The following EBF2 variants were observed in gnomAD, a reference collection of about 807,000 sequenced individuals.
EBF2 encodes EBF transcription factor 2, also known as transcription factor COE2.
A neutral mutation model predicts 72.8 loss-of-function variants in EBF2; 21 were observed. The observed-to-expected ratio is 0.29, with a 90% CI of 0.20 to 0.42. The LOEUF (loss-of-function observed/expected upper bound fraction) is 0.42, where lower values mean the gene tolerates loss of function less well. EBF2 is among the 10% of genes least tolerant of loss of function. The pLI is 1.00. For synonymous variants in EBF2, 299 were observed against 274.2 expected (o/e 1.09, Z -0.89); for missense variants, 637 against 731.2 (o/e 0.87, Z 1.49).
At chr8:25,953,979 C>T (rs937051988) in intron 6 of EBF2, among the ~76,000 whole-genome samples, 1 of 151,898 alleles carries the variant, frequency 6.6e-6, no homozygotes, top group Non-Finnish European at 1.5e-5. Flanking sequence ...TTGGGCTTTC[C>T]TTTTTTTTAT....
intron 6 of EBF2, among the ~76,000 whole-genome samples, chr8:25,916,861 C>T (rs2117129920): frequency 6.6e-6 from 1 of 152,278 alleles, no homozygotes; most frequent in South Asian, 2.1e-4. Context: ...CTGGAAGTGG[C>T]ATTTCAGTTT....
intron 7 of EBF2, among the ~76,000 whole-genome samples, chr8:25,907,913 C>T (rs373561604): frequency 2.0e-5 from 3 of 152,244 alleles, no homozygotes; most frequent in South Asian, 4.1e-4. Context: ...ATTAGCTCGT[C>T]TCCTCAGTAC....
chr8:25,943,559 C>T (rs1310130613), intron 6 of EBF2, among the ~76,000 whole-genome samples: 1 of 151,946 alleles, frequency 6.6e-6, no homozygotes, highest in Non-Finnish European at 1.5e-5. Flanking sequence ...GGGTTCCTGA[C>T]TCCTAGTTCT....
intron 6 of EBF2, among the ~76,000 whole-genome samples, chr8:25,971,405 G>C (rs1037268591): frequency 1.3e-5 from 2 of 152,122 alleles, no homozygotes; most frequent in African/African-American, 4.8e-5. Flanking sequence ...GGTGGCAGCG[G>C]GAACAAGAGG....
intron 13 of EBF2, among the ~76,000 whole-genome samples, chr8:25,858,965 C>T (rs905151473): frequency 2.6e-5 from 4 of 152,056 alleles, no homozygotes; most frequent in South Asian, 2.1e-4. Flanking sequence ...AGCCCATCTT[C>T]AGCCTTTTAT....
chr8:25,863,938 C>T (rs575240970), intron 10 of EBF2, among the ~76,000 whole-genome samples: 1 of 152,168 alleles, frequency 6.6e-6, no homozygotes, highest in Non-Finnish European at 1.5e-5. Context: ...CATAAACTTC[C>T]CCAAGATCAT....
intron 6 of EBF2, among the ~76,000 whole-genome samples, chr8:25,911,365 C>T (rs1490267143): frequency 6.6e-6 from 1 of 152,192 alleles, no homozygotes; most frequent in African/African-American, 2.4e-5. Context: ...TGATCCCATT[C>T]CTTAAGAGCG....
intron 6 of EBF2, among the ~76,000 whole-genome samples, chr8:25,942,950 G>C (rs936615746): frequency 2.6e-5 from 4 of 152,182 alleles, no homozygotes; most frequent in Admixed American, 6.6e-5. Flanking sequence ...CCTCAGTGCA[G>C]TGGTAACCTC....
At chr8:25,902,764 G>C (rs999176330) in intron 7 of EBF2, among the ~76,000 whole-genome samples, 1 of 152,198 alleles carries the variant, frequency 6.6e-6, no homozygotes, top group Non-Finnish European at 1.5e-5. Flanking sequence ...GGAAGAGTCA[G>C]AAAATGCATC....
chr8:25,977,773 C>A (rs754231085), intron 6 of EBF2, among the ~76,000 whole-genome samples: 1 of 152,076 alleles, frequency 6.6e-6, no homozygotes. Flanking sequence ...TTCTATGACA[C>A]GTGTCAAAGA....
intron 14 of EBF2, among the ~76,000 whole-genome samples, chr8:25,854,238 C>CA (rs372818134): frequency 0.31 from 42,027 of 137,302 alleles, 6,577 homozygotes; most frequent in South Asian, 0.41. Flanking sequence ...CCCCCACCTC[C>CA]AAAAAAAAAA....
rs929126805 is a variant in EBF2 at position 25,908,536 on chromosome 8, G to A, written c.571C>T (p.Leu191Phe). 9 of 1,612,328 alleles carry A rather than the reference G, an allele frequency of 5.6e-6. No homozygotes were observed. The African/African-American group carries it at 1.1e-4, about 19-fold the overall frequency. ...IIDRFFLKFF[L>F]KCNQNCLKTA... ...TTCAAACAATTCTGATTGCACTTGA[G>A]GAAAAATTTTAAAAAGAATCTGTGA... Residue 191 changes from leucine (L) to phenylalanine (F), a missense_variant, in exon 7 of 16, where the codon CTC (leucine) becomes TTC (phenylalanine). By Grantham distance (22) the Leu-to-Phe change is conservative. Around this residue, in one of 3 missense-constraint regions of EBF2, gnomAD observed 204 missense variants for 301.2 expected, o/e 0.68. Coordinates refer to ENST00000520164, the MANE Select transcript of EBF2 (RefSeq NM_022659.4).
intron 6 of EBF2, among the ~76,000 whole-genome samples, chr8:25,937,244 T>C (rs1803594673): frequency 6.6e-6 from 1 of 152,148 alleles, no homozygotes; most frequent in Non-Finnish European, 1.5e-5. Flanking sequence ...TGGGTAACAA[T>C]GTACAGAAAA....
chr8:25,926,517 T>C (rs925381988), intron 6 of EBF2, among the ~76,000 whole-genome samples: 1 of 152,170 alleles, frequency 6.6e-6, no homozygotes, highest in Non-Finnish European at 1.5e-5. Context: ...ACTTCGACAA[T>C]GTGGATGTAT....
At chr8:25,919,163 T>C (rs765770976) in intron 6 of EBF2, among the ~76,000 whole-genome samples, 4 of 152,180 alleles carry the variant, frequency 2.6e-5, no homozygotes, top group African/African-American at 4.8e-5. Context: ...GTGAAAACTA[T>C]AGAGTTTTCC....
intron 1 of EBF2, 73 bp from the exon 2 acceptor site, chr8:26,042,324 A>G: frequency 6.6e-7 from 1 of 1,525,980 alleles, no homozygotes; most frequent in South Asian, 1.2e-5. Context: ...AACCGCCCAC[A>G]ACACTGCAGA....
chr8:25,981,259 G>A (rs188680614), intron 6 of EBF2, among the ~76,000 whole-genome samples: 5 of 152,130 alleles, frequency 3.3e-5, no homozygotes, highest in Non-Finnish European at 5.9e-5. Flanking sequence ...TAAGCAACAG[G>A]AGTGGCCTAG....
intron 7 of EBF2, among the ~76,000 whole-genome samples, chr8:25,892,583 T>A (rs1247038711): frequency 1.3e-5 from 2 of 152,208 alleles, no homozygotes; most frequent in Non-Finnish European, 2.9e-5. Context: ...TTCTTTGCCC[T>A]GAAGAGTTTT....
intron 5 of EBF2, among the ~76,000 whole-genome samples, chr8:26,039,800 G>T (rs776468076): frequency 5.9e-5 from 9 of 152,214 alleles, no homozygotes; most frequent in Non-Finnish European, 1.2e-4. Flanking sequence ...AAACTCCTGC[G>T]ACATCAGAGA....
Sources: allele counts gnomAD v4.1 joint callset (sites outside exome capture counted in the v4.1 genomes callset), GRCh38; gene constraint gnomAD v4.1.1; regional missense constraint gnomAD v4.1.1; transcripts MANE v1.5; gene names NCBI Gene and HGNC (gene_info 2026-07-23, HGNC 2026-07-21).